SNTB2: variants seen among roughly 807,000 people sequenced by gnomAD.
SNTB2 encodes beta-2-syntrophin.
SNTB2 carries 34 observed loss-of-function variants against 46.2 expected under a neutral mutation model. The observed-to-expected ratio is 0.74, with a 90% CI of 0.56 to 0.98. The LOEUF (loss-of-function observed/expected upper bound fraction) is 0.98. Among genes scored for constraint, SNTB2 ranks in the 50% least tolerant of loss-of-function variants. The probability of loss-of-function intolerance (pLI) is 0.00; values close to 1 mark genes in which losing one functional copy is unlikely to be tolerated. For synonymous variants in SNTB2, 290 were observed against 312.6 expected (o/e 0.93, Z 0.76); for missense variants, 603 against 731.4 (o/e 0.82, Z 2.02).
chr16:69,232,391 G>T lies in SNTB2; in HGVS notation c.581-13211G>T, dbSNP rs566930247. Among the ~76,000 whole-genome samples the T allele has an allele frequency of 2.0e-5, 3 of 150,134 alleles. No homozygotes were observed. The South Asian group carries it at 6.3e-4, about 32-fold the overall frequency. On this transcript the variant is annotated intron_variant, in intron 1 of 6. Coordinates refer to ENST00000336278, the MANE Select transcript of SNTB2 (RefSeq NM_006750.4). ...CGGCTAATTTTTTGTATTTTTAGTAGAGACGGGGTTTCACCATGTTAGCCA... is the reference window on the plus strand; with the variant it reads ...CGGCTAATTTTTTGTATTTTTAGTATAGACGGGGTTTCACCATGTTAGCCA...
intron 1 of SNTB2, among the ~76,000 whole-genome samples, chr16:69,230,645 G>A (rs573461561): frequency 3.3e-5 from 5 of 151,930 alleles, no homozygotes; most frequent in African/African-American, 1.2e-4. Flanking sequence ...ACAGGCATGA[G>A]CCACTGCGCC....
At chr16:69,200,701 A>G (rs1179498745) in intron 1 of SNTB2, among the ~76,000 whole-genome samples, 1 of 151,854 alleles carries the variant, frequency 6.6e-6, no homozygotes, top group Non-Finnish European at 1.5e-5. Context: ...TTAAATAGAG[A>G]TGGGGGTCTT....
At chr16:69,225,322 A>G (rs1001413141) in intron 1 of SNTB2, among the ~76,000 whole-genome samples, 2 of 152,242 alleles carry the variant, frequency 1.3e-5, no homozygotes, top group African/African-American at 4.8e-5. Flanking sequence ...TTTATCATTC[A>G]GGGTGCTGAT....
chr16:69,212,284 C>T (rs576171459), intron 1 of SNTB2, among the ~76,000 whole-genome samples: 97 of 152,168 alleles, frequency 6.4e-4, no homozygotes, highest in African/African-American at 2.3e-3. Context: ...TGACTGACTC[C>T]ACCCTACCAC....
At chr16:69,257,157 G>A (rs1964785032) in intron 2 of SNTB2, among the ~76,000 whole-genome samples, 2 of 142,762 alleles carry the variant, frequency 1.4e-5, no homozygotes, top group Non-Finnish European at 1.5e-5. Context: ...GGCGAAGAGC[G>A]AGACTCCATC....
At chr16:69,299,461 T>C (rs931861049) in intron 5 of SNTB2, 129 bp from the exon 6 acceptor site, 2 of 891,880 alleles carry the variant, frequency 2.2e-6, no homozygotes, top group African/African-American at 1.7e-5. Context: ...TTTAGAAGTT[T>C]CCATACAGGT....
intron 3 of SNTB2, among the ~76,000 whole-genome samples, chr16:69,260,527 C>T (rs1201261728): frequency 1.3e-5 from 2 of 152,126 alleles, no homozygotes; most frequent in Non-Finnish European, 1.5e-5. Context: ...CCATCTCTGT[C>T]CTTAATGACA....
At chr16:69,204,181 T>C (rs1397478499) in intron 1 of SNTB2, among the ~76,000 whole-genome samples, 1 of 152,198 alleles carries the variant, frequency 6.6e-6, no homozygotes, top group Non-Finnish European at 1.5e-5. Flanking sequence ...CGTGAGCTAC[T>C]GTGCCTGGCC....
At chr16:69,205,344 A>G (rs968508785) in intron 1 of SNTB2, among the ~76,000 whole-genome samples, 1 of 125,216 alleles carries the variant, frequency 8.0e-6, no homozygotes, top group African/African-American at 3.1e-5. Context: ...TTTTTTAATT[A>G]TACTCTAAGT....
intron 3 of SNTB2, among the ~76,000 whole-genome samples, chr16:69,268,876 A>G (rs1235594237): frequency 1.3e-5 from 2 of 151,714 alleles, no homozygotes; most frequent in Non-Finnish European, 2.9e-5. Flanking sequence ...AAAAAAAAAT[A>G]ATAACACTGT....
chr16:69,220,545 T>C (rs78659709), intron 1 of SNTB2, among the ~76,000 whole-genome samples: 2 of 151,892 alleles, frequency 1.3e-5, no homozygotes, highest in African/African-American at 4.8e-5. Context: ...TTTTTTTTTT[T>C]GAGACAGGGT....
At chr16:69,244,498 A>C (rs1184503021) in intron 1 of SNTB2, among the ~76,000 whole-genome samples, 1 of 152,190 alleles carries the variant, frequency 6.6e-6, no homozygotes, top group Non-Finnish European at 1.5e-5. Flanking sequence ...TCACAGGAGA[A>C]ACTGTGTGTA....
intron 1 of SNTB2, among the ~76,000 whole-genome samples, chr16:69,244,917 A>G (rs1964654877): frequency 6.6e-6 from 1 of 152,204 alleles, no homozygotes; most frequent in Non-Finnish European, 1.5e-5. Flanking sequence ...GTAGGTAGCT[A>G]ATAAAAGTTG....
chr16:69,207,336 G>A (rs1190480367), intron 1 of SNTB2, among the ~76,000 whole-genome samples: 3 of 149,366 alleles, frequency 2.0e-5, no homozygotes, highest in South Asian at 2.1e-4. Context: ...GTATTTTTTC[G>A]GTAGAGATGG....
At chr16:69,188,849 A>G (rs867101209) in intron 1 of SNTB2, among the ~76,000 whole-genome samples, 1 of 152,238 alleles carries the variant, frequency 6.6e-6, no homozygotes, top group Non-Finnish European at 1.5e-5. Context: ...TGCCAAAGGA[A>G]TGCAAAGTTA....
intron 1 of SNTB2, among the ~76,000 whole-genome samples, chr16:69,239,920 A>T (rs1289364631): frequency 6.6e-6 from 1 of 152,154 alleles, no homozygotes; most frequent in Non-Finnish European, 1.5e-5. Flanking sequence ...GACTGGTATA[A>T]TGCCTTTCAG....
At chr16:69,216,978 T>G (rs545155589) in intron 1 of SNTB2, among the ~76,000 whole-genome samples, 3 of 152,096 alleles carry the variant, frequency 2.0e-5, no homozygotes, top group Non-Finnish European at 4.4e-5. Context: ...AAAACGACCA[T>G]TTGCTTCTGG....
intron 5 of SNTB2, among the ~76,000 whole-genome samples, chr16:69,292,725 T>A: frequency 6.6e-6 from 1 of 151,380 alleles, no homozygotes; most frequent in African/African-American, 2.4e-5. Flanking sequence ...AGTGCTGGGA[T>A]TACAGGCATG....
intron 4 of SNTB2, among the ~76,000 whole-genome samples, chr16:69,270,501 G>A (rs977149168): frequency 6.6e-6 from 1 of 152,146 alleles, no homozygotes; most frequent in African/African-American, 2.4e-5. Context: ...GTTTTTGTGT[G>A]TACCTTTTAA....
Sources: allele counts gnomAD v4.1 joint callset (sites outside exome capture counted in the v4.1 genomes callset), GRCh38; gene constraint gnomAD v4.1.1; transcripts MANE v1.5; gene names NCBI Gene and HGNC (gene_info 2026-07-23, HGNC 2026-07-21).